Variants in RGS9 observed in about 807,000 individuals in gnomAD.
The protein encoded by RGS9 is regulator of G-protein signalling 9.
A neutral mutation model predicts 102.0 loss-of-function variants in RGS9; 78 were observed. That is an observed-to-expected ratio of 0.76 (90% CI 0.64 to 0.92). RGS9 has a LOEUF of 0.92. Among genes scored for constraint, RGS9 ranks in the 40% least tolerant of loss-of-function variants. The probability of loss-of-function intolerance (pLI) is 0.00; values close to 1 mark genes in which losing one functional copy is unlikely to be tolerated. For missense variants in RGS9, 833 were observed against 866.1 expected, an observed-to-expected ratio of 0.96 and a Z score of 0.48; for synonymous variants, 353 against 318.6, an observed-to-expected ratio of 1.11 and a Z score of -1.15.
intron 9 of RGS9, among the ~76,000 whole-genome samples, chr17:65,187,709 C>G (rs578213875): frequency 6.6e-6 from 1 of 152,206 alleles, no homozygotes; most frequent in South Asian, 2.1e-4. Flanking sequence ...TAAGAGGGTC[C>G]GCGTGAGGCC....
intron 1 of RGS9, among the ~76,000 whole-genome samples, chr17:65,150,720 A>G (rs1029129460): frequency 1.3e-5 from 2 of 152,234 alleles, no homozygotes. Flanking sequence ...CACCCTTGTC[A>G]TTGCATGTTC....
At chr17:65,144,819 T>C (rs1004077293) in intron 1 of RGS9, among the ~76,000 whole-genome samples, 3 of 152,124 alleles carry the variant, frequency 2.0e-5, no homozygotes, top group Non-Finnish European at 2.9e-5. Context: ...TGTATGAGTT[T>C]GTAGGGCTGT....
intron 9 of RGS9, among the ~76,000 whole-genome samples, chr17:65,181,018 T>C (rs1394649103): frequency 1.3e-5 from 2 of 152,246 alleles, no homozygotes; most frequent in Admixed American, 6.5e-5. Context: ...ATGGTATATA[T>C]GTACCACATT....
At chr17:65,210,337 G>A (rs1390628403) in intron 16 of RGS9, 151 bp from the exon 17 acceptor site, 1 of 951,562 alleles carries the variant, frequency 1.1e-6, no homozygotes, top group Non-Finnish European at 1.7e-6. Flanking sequence ...AAGGAGCCAA[G>A]GTTGGACCCC....
chr17:65,215,891 C>A (rs1913509042), intron 17 of RGS9, among the ~76,000 whole-genome samples: 1 of 152,012 alleles, frequency 6.6e-6, no homozygotes, highest in South Asian at 2.1e-4. Flanking sequence ...ACACTGGGAG[C>A]CTGCAAAGCC....
At chr17:65,189,101 G>T in intron 9 of RGS9, 185 bp from the exon 10 acceptor site, 1 of 616,796 alleles carries the variant, frequency 1.6e-6, no homozygotes. Context: ...CTCTTGCTTG[G>T]TATTTATTCC....
chr17:65,199,399 C>T (rs899560369), intron 13 of RGS9, among the ~76,000 whole-genome samples: 3 of 151,252 alleles, frequency 2.0e-5, no homozygotes, highest in African/African-American at 7.3e-5. Flanking sequence ...TAAACGAAAT[C>T]ATGCAATATG....
At chr17:65,144,668 G>A (rs912176932) in intron 1 of RGS9, among the ~76,000 whole-genome samples, 2 of 152,172 alleles carry the variant, frequency 1.3e-5, no homozygotes, top group African/African-American at 2.4e-5. Context: ...AGGACACAAG[G>A]AGGAGAGTGC....
intron 13 of RGS9, among the ~76,000 whole-genome samples, chr17:65,200,796 G>T (rs1912802447): frequency 6.6e-6 from 1 of 152,036 alleles, no homozygotes; most frequent in Admixed American, 6.6e-5. Context: ...GGGGGGATTT[G>T]CAACAATCTG....
At chr17:65,166,961 G>A (rs570175353) in intron 7 of RGS9, among the ~76,000 whole-genome samples, 1 of 152,226 alleles carries the variant, frequency 6.6e-6, no homozygotes, top group African/African-American at 2.4e-5. Context: ...CGTTAACGGG[G>A]AGATGAATTC....
chr17:65,219,373 C>G (rs1414047034), intron 17 of RGS9, among the ~76,000 whole-genome samples: 1 of 152,172 alleles, frequency 6.6e-6, no homozygotes, highest in African/African-American at 2.4e-5. Context: ...GTGGCAGCTT[C>G]TCCTGCTAAT....
At chr17:65,137,922 C>T (rs987493473) in intron 1 of RGS9, among the ~76,000 whole-genome samples, 1 of 152,166 alleles carries the variant, frequency 6.6e-6, no homozygotes, top group Non-Finnish European at 1.5e-5. Context: ...GTAAGACGAC[C>T]AGATGTGACA....
Position 65,142,574 on chromosome 17 carries a change from C to CTTTTTTTT in RGS9, c.57+4986_57+4993dup, listed in dbSNP as rs745663576. Among the ~76,000 whole-genome samples the CTTTTTTTT allele has an allele frequency of 4.7e-4, 65 of 137,748 alleles. 1 individual carries two copies. Among genetic ancestry groups the CTTTTTTTT allele is most frequent in the Middle Eastern group, 3.6e-3 (1 of 274 alleles). The allele number at this position is 137,748 out of a possible 152,430, so 90.4% of individuals were successfully genotyped here. A position where few individuals can be genotyped will look rare whatever the true frequency, so the allele number is the denominator to read the frequency against. On this transcript the variant is annotated intron_variant, in intron 1 of 18. Transcript: ENST00000262406. The stretch of plus-strand genomic sequence containing the variant: ...TGCCACTGTTTTTCTCCCTTCCTTT[C>CTTTTTTTT]TTTTTTTTTTTTTTTTGTTTGTTTT...
chr17:65,176,067 A>G (rs1199844047), intron 8 of RGS9, among the ~76,000 whole-genome samples: 3 of 151,952 alleles, frequency 2.0e-5, no homozygotes, highest in African/African-American at 7.3e-5. Context: ...TTGCTTCCCA[A>G]CTCTCTGCTT....
chr17:65,215,222 A>G (rs9916092), intron 17 of RGS9, among the ~76,000 whole-genome samples: 20,295 of 152,052 alleles, frequency 0.13, 1,818 homozygotes, highest in African/African-American at 0.26. Context: ...AGAGGAAAGA[A>G]GAGAGATGCT....
Position 65,163,008 on chromosome 17 carries a change from T to C in RGS9, c.424-5T>C. 6.6e-7 allele frequency: 1 copy of C among 1,514,870 alleles called. No individual in the cohort carries two copies. Among genetic ancestry groups the C allele is most frequent in the Non-Finnish European group, 9.2e-7 (1 of 1,091,546 alleles). The allele number at this position is 1,514,870 out of a possible 1,614,324, so 93.8% of individuals were successfully genotyped here. A position where few individuals can be genotyped will look rare whatever the true frequency, so the allele number is the denominator to read the frequency against. On this transcript the variant is annotated splice_region_variant and splice_polypyrimidine_tract_variant and intron_variant, in intron 6 of 18. Coordinates refer to ENST00000262406, the MANE Select transcript of RGS9 (RefSeq NM_003835.4). ...TTCTGTTCTCATTTTGTTTTTCTTC[T>C]TTAGGAAAATTACAATTTCTTGAAC...
At position 65,225,398 on chromosome 17, in the gene RGS9, A is replaced by C; in HGVS notation, c.1804A>C (p.Lys602Gln). 1 of 1,611,588 alleles carries C rather than the reference A, an allele frequency of 6.2e-7. No individual in the cohort carries two copies. Among genetic ancestry groups the C allele is most frequent in the Non-Finnish European group, 8.5e-7 (1 of 1,180,026 alleles). Reference sequence around the variant, plus strand: ...ACCTGTCTTTGCCAGGCTCTCACCCAAGTGCCCTGCTGTGTCCCACGGGAG... The same window carrying C: ...ACCTGTCTTTGCCAGGCTCTCACCCCAGTGCCCTGCTGTGTCCCACGGGAG... The part of the protein sequence containing the change: ...ASPVFARLSP[K>Q]CPAVSHGRVQ... The change falls in exon 18 of 19, where the codon AAG becomes CAG. Residue 602 changes from lysine to glutamine, a missense_variant. This residue lies in a region of RGS9 where 320 missense variants were observed against 276.8 expected (regional missense o/e 1.16). Transcript: ENST00000262406.
chr17:65,179,227 C>T (rs902773993), intron 9 of RGS9, among the ~76,000 whole-genome samples: 1 of 152,074 alleles, frequency 6.6e-6, no homozygotes, highest in Non-Finnish European at 1.5e-5. Flanking sequence ...GAAATGTTAG[C>T]AAGGCAGCTC....
At chr17:65,153,825 G>A (rs969234161) in intron 2 of RGS9, among the ~76,000 whole-genome samples, 5 of 152,198 alleles carry the variant, frequency 3.3e-5, no homozygotes, top group African/African-American at 1.2e-4. Flanking sequence ...GGGAGGCAGA[G>A]CTTTCAGTGA....
Sources: allele counts gnomAD v4.1 joint callset (sites outside exome capture counted in the v4.1 genomes callset), GRCh38; gene constraint gnomAD v4.1.1; regional missense constraint gnomAD v4.1.1; transcripts MANE v1.5; gene names NCBI Gene and HGNC (gene_info 2026-07-23, HGNC 2026-07-21).